Variants in XIRP2 observed in about 807,000 individuals in gnomAD.
XIRP2 encodes xin actin-binding repeat-containing protein 2.
In XIRP2, 236 loss-of-function variants were observed where a neutral mutation model predicts 277.0. That is an observed-to-expected ratio of 0.85 (90% CI 0.77 to 0.95). XIRP2 has a LOEUF of 0.95. Among genes scored for constraint, XIRP2 ranks in the 40% least tolerant of loss-of-function variants. XIRP2 has a pLI of 0.00. For synonymous variants in XIRP2, 1,490 were observed against 1,416.5 expected (o/e 1.05, Z -1.17); for missense variants, 4,640 against 4,157.5 (o/e 1.12, Z -3.19).
intron 3 of XIRP2, among the ~76,000 whole-genome samples, chr2:167,154,203 T>C (rs1558999343): frequency 6.7e-6 from 1 of 149,470 alleles, no homozygotes; most frequent in Non-Finnish European, 1.5e-5. Flanking sequence ...TGCATAAATG[T>C]CTTCTTTTGA....
At chr2:166,963,835 A>G (rs1362755095) in intron 2 of XIRP2, among the ~76,000 whole-genome samples, 1 of 151,814 alleles carries the variant, frequency 6.6e-6, no homozygotes, top group Non-Finnish European at 1.5e-5. Context: ...AAATCGATGG[A>G]AAGCCATTGA....
At chr2:166,958,091 G>C (rs186989290) in intron 2 of XIRP2, among the ~76,000 whole-genome samples, 4,602 of 151,886 alleles carry the variant, frequency 0.03, 101 homozygotes, top group East Asian at 0.079. Context: ...TGAAATGTGA[G>C]CGACTTTGCT....
rs995181339 is a variant in XIRP2 at position 167,151,488 on chromosome 2, A to G, written c.562+15426A>G. ...CAAAAAATAAAGATGATAGGAAAACATTCTCTAAGGAGCATAGTCATCTCA... is the reference window on the plus strand; with the variant it reads ...CAAAAAATAAAGATGATAGGAAAACGTTCTCTAAGGAGCATAGTCATCTCA... On this transcript the variant is annotated intron_variant, in intron 3 of 10. Transcript: ENST00000409195. Among the ~76,000 whole-genome samples the G allele has an allele frequency of 6.6e-5, 10 of 152,166 alleles. 1 individual carries two copies. Among genetic ancestry groups the G allele is most frequent in the Non-Finnish European group, 2.9e-5 (2 of 68,024 alleles).
At chr2:166,913,414 G>C (rs1167570480) in intron 2 of XIRP2, among the ~76,000 whole-genome samples, 1 of 152,100 alleles carries the variant, frequency 6.6e-6, no homozygotes, top group Non-Finnish European at 1.5e-5. Flanking sequence ...GCCAGGCATG[G>C]GATATAATCT....
intron 2 of XIRP2, among the ~76,000 whole-genome samples, chr2:166,904,620 G>A (rs1274628875): frequency 6.6e-6 from 1 of 151,912 alleles, no homozygotes; most frequent in African/African-American, 2.4e-5. Context: ...ATACTTTTGC[G>A]GTAATTAAAA....
Position 167,251,143 on chromosome 2 carries a change from T to C in XIRP2, c.9751T>C (p.Ser3251Pro), listed in dbSNP as rs756777180. ...AAATATAAATCATGCTGCTAGTGGT[T>C]CCTTCAGAGAATCTGTGGACGCTCA... ...PVNINHAASG[S>P]FRESVDAQEE... The change falls in exon 9 of 11, where the codon TCC becomes CCC. Residue 3251 changes from serine (S) to proline (P), a missense_variant. Ser to Pro is a moderately conservative substitution (Grantham distance 74, BLOSUM62 -1). Transcript: ENST00000409195. 4 of 1,613,368 alleles carry C rather than the reference T, an allele frequency of 2.5e-6. No homozygotes were observed. Among genetic ancestry groups the C allele is most frequent in the Middle Eastern group, 3.3e-4 (2 of 6,076 alleles).
intron 2 of XIRP2, among the ~76,000 whole-genome samples, chr2:167,020,821 A>G (rs559702819): frequency 6.6e-6 from 1 of 152,182 alleles, no homozygotes; most frequent in Non-Finnish European, 1.5e-5. Context: ...TAATGTGATC[A>G]TTCCCTCCTC....
At chr2:167,089,035 G>A (rs1690062671) in intron 2 of XIRP2, among the ~76,000 whole-genome samples, 1 of 152,100 alleles carries the variant, frequency 6.6e-6, no homozygotes, top group African/African-American at 2.4e-5. Context: ...ACAAATTAAT[G>A]ACCTGATAAT....
chr2:167,113,153 T>C (rs922284504), intron 2 of XIRP2, among the ~76,000 whole-genome samples: 4 of 152,160 alleles, frequency 2.6e-5, no homozygotes, highest in Non-Finnish European at 5.9e-5. Flanking sequence ...TCTATAAATA[T>C]CTAGTACATT....
intron 2 of XIRP2, among the ~76,000 whole-genome samples, chr2:166,971,310 G>A (rs1429937319): frequency 6.6e-6 from 1 of 151,906 alleles, no homozygotes; most frequent in Non-Finnish European, 1.5e-5. Flanking sequence ...GGCTCACTCA[G>A]TGTTTGTTGA....
At chr2:167,092,888 TA>T in intron 2 of XIRP2, among the ~76,000 whole-genome samples, 1 of 152,226 alleles carries the variant, frequency 6.6e-6, no homozygotes, top group East Asian at 1.9e-4. Flanking sequence ...ACTGAAATAT[TA>T]AAAGACTGCA....
At chr2:167,240,076 C>T in intron 6 of XIRP2, 111 bp downstream of exon 6, 1 of 891,330 alleles carries the variant, frequency 1.1e-6, no homozygotes, top group Non-Finnish European at 1.6e-6. Context: ...AGTATCAATA[C>T]CTATCAGTGT....
intron 2 of XIRP2, among the ~76,000 whole-genome samples, chr2:167,107,490 G>A (rs1267534174): frequency 6.6e-6 from 1 of 151,628 alleles, no homozygotes; most frequent in Non-Finnish European, 1.5e-5. Context: ...GTATTAATAT[G>A]ATGAATTTCA....
At chr2:167,086,166 T>C (rs991774631) in intron 2 of XIRP2, among the ~76,000 whole-genome samples, 1 of 152,100 alleles carries the variant, frequency 6.6e-6, no homozygotes, top group Non-Finnish European at 1.5e-5. Context: ...AGCATTTGCT[T>C]GTCTGTAAAG....
At position 167,214,226 on chromosome 2, in the gene XIRP2, G is replaced by GAGGAAGGAAGGAAGGA. The variant is rs1295438859; in HGVS notation, c.723+3349_723+3364dup. On this transcript the variant is annotated intron_variant, in intron 4 of 10. Transcript: ENST00000409195. ...AAAGAGAGGGAGGGAGGGAGGGAGG[G>GAGGAAGGAAGGAAGGA]AGGAAGGAAGGAAGGAAGGAAGGAA... Among the ~76,000 whole-genome samples the GAGGAAGGAAGGAAGGA allele has an allele frequency of 2.6e-3, 177 of 67,332 alleles. 1 individual carries two copies. The highest frequency in any genetic ancestry group is 3.4e-3 in the Non-Finnish European group (136 of 40,076). 44.2% of individuals were successfully genotyped at this position (67,332 alleles called of 152,430 possible).
At chr2:167,228,517 C>T (rs1694670919) in intron 5 of XIRP2, among the ~76,000 whole-genome samples, 1 of 152,102 alleles carries the variant, frequency 6.6e-6, no homozygotes, top group Non-Finnish European at 1.5e-5. Context: ...ATGGTGCAGT[C>T]TGTACAGTGT....
chr2:167,007,284 T>C (rs1483532656), intron 2 of XIRP2, among the ~76,000 whole-genome samples: 1 of 151,668 alleles, frequency 6.6e-6, no homozygotes, highest in Non-Finnish European at 1.5e-5. Flanking sequence ...ATATAAATTA[T>C]AGAGGTGGAA....
intron 2 of XIRP2, among the ~76,000 whole-genome samples, chr2:167,113,911 T>C (rs563530739): frequency 6.6e-6 from 1 of 152,302 alleles, no homozygotes; most frequent in African/African-American, 2.4e-5. Flanking sequence ...TTCGTTTGGC[T>C]GGGTATGAAT....
chr2:167,000,420 C>T (rs748505811), intron 2 of XIRP2, among the ~76,000 whole-genome samples: 13 of 151,564 alleles, frequency 8.6e-5, no homozygotes, highest in South Asian at 2.1e-4. Flanking sequence ...TGCATCACTA[C>T]GTTTCTCTGA....
Sources: allele counts gnomAD v4.1 joint callset (sites outside exome capture counted in the v4.1 genomes callset), GRCh38; gene constraint gnomAD v4.1.1; transcripts MANE v1.5; gene names NCBI Gene and HGNC (gene_info 2026-07-23, HGNC 2026-07-21).